Variants in ADCY1 observed in about 807,000 individuals in gnomAD.
ADCY1 encodes adenylate cyclase 1.
In ADCY1, 28 loss-of-function variants were observed where a neutral mutation model predicts 105.4. The ratio of observed to expected loss-of-function variants is 0.27; its 90% CI spans 0.20 to 0.36. The LOEUF (loss-of-function observed/expected upper bound fraction) is 0.36. Ranked by LOEUF, ADCY1 falls within the 10% of genes least tolerant of loss-of-function variation. The pLI is 1.00. For synonymous variants in ADCY1, 655 were observed against 623.8 expected (o/e 1.05, Z -0.75); for missense variants, 977 against 1,434.2 (o/e 0.68, Z 5.15).
chr7:45,587,313 C>T lies in ADCY1; in HGVS notation c.640-5446C>T, dbSNP rs181623733. ...CATGGCAGACAGGTCAGAGGTGAGT[C>T]CAGGGCTCAGCGGGTCTCTTGTGTG... is the stretch of plus-strand genomic sequence containing the variant. On this transcript the variant is annotated intron_variant, in intron 1 of 19. Transcript: ENST00000297323. 1.1e-3 allele frequency among the ~76,000 whole-genome samples: 169 copies of T among 152,310 alleles called. 1 individual carries two copies. Among genetic ancestry groups the T allele is most frequent in the African/African-American group, 3.8e-3 (157 of 41,564 alleles).
At chr7:45,638,714 T>A (rs1169918710) in intron 4 of ADCY1, among the ~76,000 whole-genome samples, 1 of 151,686 alleles carries the variant, frequency 6.6e-6, no homozygotes, top group Non-Finnish European at 1.5e-5. Flanking sequence ...TCAGATGTGC[T>A]CACGTTGTGT....
At chr7:45,674,702 T>G (rs1784425100) in intron 8 of ADCY1, among the ~76,000 whole-genome samples, 1 of 152,208 alleles carries the variant, frequency 6.6e-6, no homozygotes, top group Non-Finnish European at 1.5e-5. Context: ...AGTTTTGGCT[T>G]TGTGTGATTG....
Position 45,686,497 on chromosome 7 carries a change from G to T in ADCY1, c.2328-50G>T. On this transcript the variant is annotated intron_variant, in intron 13 of 19. Coordinates refer to ENST00000297323, the MANE Select transcript of ADCY1 (RefSeq NM_021116.4). This position sits in a 1 kb window ranked among gnomAD's most constrained non-coding sequence, Gnocchi z 4.3. ...TTCTTGGGTTTGGTGGCAGAGTCTT[G>T]CCCTGGAAGCTCGGCACTGACTTGG... The T allele has an allele frequency of 6.4e-7, 1 of 1,573,026 alleles. No homozygotes were observed.
chr7:45,601,211 G>C (rs988923216), intron 2 of ADCY1, among the ~76,000 whole-genome samples: 1 of 152,122 alleles, frequency 6.6e-6, no homozygotes, highest in Non-Finnish European at 1.5e-5. Context: ...GGCCTGGGCT[G>C]GGGGGACGGT....
At chr7:45,665,243 G>A (rs1024605907) in intron 8 of ADCY1, among the ~76,000 whole-genome samples, 3 of 152,170 alleles carry the variant, frequency 2.0e-5, no homozygotes, top group Non-Finnish European at 2.9e-5. Flanking sequence ...GAAGCAAATC[G>A]TGGACAGAGC....
At chr7:45,592,973 G>A in intron 2 of ADCY1, 65 bp downstream of exon 2, 1 of 1,590,274 alleles carries the variant, frequency 6.3e-7, no homozygotes, top group Non-Finnish European at 8.6e-7. Context: ...GGAAGAAGCT[G>A]GCTTCCTGAG....
At chr7:45,581,772 A>G (rs146867738) in intron 1 of ADCY1, among the ~76,000 whole-genome samples, 176 of 152,242 alleles carry the variant, frequency 1.2e-3, no homozygotes, top group Middle Eastern at 6.8e-3. Context: ...AGTTATATCC[A>G]TCCTTCCTCT....
At chr7:45,612,092 C>T (rs186636999) in intron 3 of ADCY1, among the ~76,000 whole-genome samples, 5 of 152,292 alleles carry the variant, frequency 3.3e-5, no homozygotes, top group African/African-American at 7.2e-5. Context: ...TCTGAGCACA[C>T]GTGTTCACTG....
At position 45,622,172 on chromosome 7, in the gene ADCY1, C is replaced by T. The variant is rs73694821; in HGVS notation, c.909-460C>T. Among the ~76,000 whole-genome samples the T allele has an allele frequency of 4.7e-3, 714 of 152,250 alleles. 2 individuals are homozygous for T. The highest frequency in any genetic ancestry group is 0.016 in the African/African-American group (678 of 41,542). On this transcript the variant is annotated intron_variant, in intron 3 of 19. Coordinates refer to ENST00000297323, the MANE Select transcript of ADCY1 (RefSeq NM_021116.4). ...CTCCCTTTTCATTGTGAAGCATTGA[C>T]ACCACACTCAGGGCCTGGGAGTTTC...
chr7:45,639,632 C>G (rs983399761), intron 4 of ADCY1, among the ~76,000 whole-genome samples: 1 of 152,228 alleles, frequency 6.6e-6, no homozygotes, highest in South Asian at 2.1e-4. Context: ...CTCCAAGACC[C>G]TTCTGGGAAC....
intron 3 of ADCY1, among the ~76,000 whole-genome samples, chr7:45,619,708 G>A (rs1793840150): frequency 6.6e-6 from 1 of 152,200 alleles, no homozygotes; most frequent in African/African-American, 2.4e-5. Context: ...AAGTAGAATG[G>A]TGGTTGCTAG....
chr7:45,712,438 C>T (rs1212314393), intron 19 of ADCY1, among the ~76,000 whole-genome samples: 3 of 152,038 alleles, frequency 2.0e-5, no homozygotes, highest in Non-Finnish European at 2.9e-5. Context: ...GGGCCTGCCA[C>T]TGTCCTATTT....
rs529175660 is a variant in ADCY1, at chr7:45,610,282, G to T, written c.790-97G>T. Reference sequence around the variant, plus strand: ...CAGCCCTGGACGTGGGCCTACCCAGGCTCAGGGGCCCGGCGCCCTTACTGG... The same window carrying T: ...CAGCCCTGGACGTGGGCCTACCCAGTCTCAGGGGCCCGGCGCCCTTACTGG... On this transcript the variant is annotated intron_variant, in intron 2 of 19. Coordinates refer to ENST00000297323, the MANE Select transcript of ADCY1 (RefSeq NM_021116.4). 14 of 1,098,540 alleles carry T rather than the reference G, an allele frequency of 1.3e-5. No homozygotes were observed. The South Asian group carries it at 2.0e-4, about 16-fold the overall frequency. The allele number at this position is 1,098,540 out of a possible 1,614,324, so 68.0% of individuals were successfully genotyped here.
intron 8 of ADCY1, 102 bp from the exon 9 acceptor site, chr7:45,677,767 G>A (rs1322477233): frequency 1.5e-6 from 2 of 1,307,610 alleles, no homozygotes; most frequent in Non-Finnish European, 2.1e-6. Flanking sequence ...TCCCAAACCC[G>A]ACCCCACCCT....
At chr7:45,683,436 G>A (rs1398849620) in intron 11 of ADCY1, among the ~76,000 whole-genome samples, 1 of 152,080 alleles carries the variant, frequency 6.6e-6, no homozygotes, top group Non-Finnish European at 1.5e-5. Flanking sequence ...TTGTCCCTCA[G>A]GGCTGTGTCA....
At chr7:45,606,500 A>T (rs983721453) in intron 2 of ADCY1, among the ~76,000 whole-genome samples, 1 of 152,176 alleles carries the variant, frequency 6.6e-6, no homozygotes, top group African/African-American at 2.4e-5. Flanking sequence ...CCACTTCTCA[A>T]GCACTCAGTC....
chr7:45,642,107 G>C (rs373982577), intron 4 of ADCY1, among the ~76,000 whole-genome samples: 1 of 152,018 alleles, frequency 6.6e-6, no homozygotes, highest in East Asian at 1.9e-4. Context: ...CTGTAGACCA[G>C]AGGGCATGCA....
At chr7:45,611,954 G>A (rs1022865988) in intron 3 of ADCY1, among the ~76,000 whole-genome samples, 1 of 152,150 alleles carries the variant, frequency 6.6e-6, no homozygotes, top group African/African-American at 2.4e-5. Context: ...CACAGACTGG[G>A]TCCCTGCAAA....
At chr7:45,664,690 C>A in intron 8 of ADCY1, 1 of 257,776 alleles carries the variant, frequency 3.9e-6, no homozygotes, top group South Asian at 1.3e-4. Flanking sequence ...AGTTTGGTTG[C>A]TTGTTTTTTT....
Sources: allele counts gnomAD v4.1 joint callset (sites outside exome capture counted in the v4.1 genomes callset), GRCh38; gene constraint gnomAD v4.1.1; non-coding constraint Gnocchi (gnomAD v3.1); transcripts MANE v1.5; gene names NCBI Gene and HGNC (gene_info 2026-07-23, HGNC 2026-07-21).